STAG1: variants seen among roughly 807,000 people sequenced by gnomAD.
STAG1 encodes STAG1 cohesin complex component.
In STAG1, 26 loss-of-function variants were observed where a neutral mutation model predicts 170.9. That is an observed-to-expected ratio of 0.15 (90% confidence interval 0.11 to 0.21). STAG1 has a LOEUF of 0.21. Among genes scored for constraint, STAG1 ranks in the 10% least tolerant of loss-of-function variants. STAG1 has a pLI of 1.00. For synonymous variants in STAG1, 514 were observed against 497.7 expected (o/e 1.03, Z -0.44); for missense variants, 964 against 1,509.5 (o/e 0.64, Z 5.99).
intron 9 of STAG1, among the ~76,000 whole-genome samples, chr3:136,480,905 C>G (rs2089887886): frequency 7.0e-6 from 1 of 143,450 alleles, no homozygotes; most frequent in South Asian, 2.4e-4. Flanking sequence ...TATAAGAATG[C>G]TTGTGATTTT....
chr3:136,400,825 T>C (rs767968891), intron 21 of STAG1, among the ~76,000 whole-genome samples: 1 of 152,160 alleles, frequency 6.6e-6, no homozygotes, highest in Non-Finnish European at 1.5e-5. Flanking sequence ...TGAGCCACCG[T>C]GCCTGGCCTC....
chr3:136,444,230 T>C (rs889881927), intron 14 of STAG1, among the ~76,000 whole-genome samples: 1 of 152,160 alleles, frequency 6.6e-6, no homozygotes, highest in Non-Finnish European at 1.5e-5. Context: ...CACGCCACCA[T>C]GCCTGGCTAA....
intron 4 of STAG1, among the ~76,000 whole-genome samples, chr3:136,602,816 G>C (rs1938735716): frequency 1.3e-5 from 2 of 152,030 alleles, no homozygotes; most frequent in Non-Finnish European, 1.5e-5. Context: ...CTCCAACCTG[G>C]GCAATGGAGC....
intron 2 of STAG1, among the ~76,000 whole-genome samples, chr3:136,628,134 G>C (rs1349678432): frequency 6.6e-6 from 1 of 152,130 alleles, no homozygotes; most frequent in Non-Finnish European, 1.5e-5. Context: ...TGTTGTGATA[G>C]TGAGTTCTCA....
intron 15 of STAG1, among the ~76,000 whole-genome samples, chr3:136,438,515 G>A (rs910192218): frequency 4.6e-5 from 7 of 152,088 alleles, no homozygotes; most frequent in Admixed American, 6.6e-5. Context: ...ATGAGCTACC[G>A]TGCCTGGTTG....
At chr3:136,353,379 T>C (rs1936508923) in intron 28 of STAG1, among the ~76,000 whole-genome samples, 1 of 152,236 alleles carries the variant, frequency 6.6e-6, no homozygotes, top group South Asian at 2.1e-4. Context: ...TCAAACAGGA[T>C]AAATGCAAAG....
At chr3:136,664,793 A>G (rs1234336492) in intron 1 of STAG1, among the ~76,000 whole-genome samples, 1 of 152,246 alleles carries the variant, frequency 6.6e-6, no homozygotes, top group Non-Finnish European at 1.5e-5. Context: ...AACCTGCAAC[A>G]GAGAATCTCA....
In STAG1 at chr3:136,344,026, G is replaced by A; in HGVS notation, c.3272-20C>T. On this transcript the variant is annotated intron_variant, in intron 29 of 33. Coordinates refer to ENST00000383202, the MANE Select transcript of STAG1 (RefSeq NM_005862.3). Reference sequence around the variant, plus strand: ...TCTCATCTGTAAAATTCCAGTTAAGGTCACACAATGTCGTGGGTGGAGTGA... The same window carrying A: ...TCTCATCTGTAAAATTCCAGTTAAGATCACACAATGTCGTGGGTGGAGTGA... 6.5e-7 allele frequency: 1 copy of A among 1,544,366 alleles called. No homozygotes were observed. The highest frequency in any genetic ancestry group is 2.3e-5 in the East Asian group (1 of 42,618).
intron 6 of STAG1, among the ~76,000 whole-genome samples, chr3:136,525,245 G>A (rs768549175): frequency 1.6e-4 from 25 of 152,058 alleles, no homozygotes; most frequent in Admixed American, 5.2e-4. Flanking sequence ...TTGGTTGGTA[G>A]GCTATTAATT....
At chr3:136,347,910 G>T (rs1255558754) in intron 29 of STAG1, among the ~76,000 whole-genome samples, 48 of 152,170 alleles carry the variant, frequency 3.2e-4, no homozygotes, top group Non-Finnish European at 1.5e-4. Context: ...ATGCTCAAAG[G>T]TTGCATAGCT....
At chr3:136,665,709 G>A (rs1040502302) in intron 1 of STAG1, among the ~76,000 whole-genome samples, 1 of 151,232 alleles carries the variant, frequency 6.6e-6, no homozygotes, top group African/African-American at 2.4e-5. Context: ...GAACCCAGGA[G>A]GCAGAGCTTG....
intron 22 of STAG1, among the ~76,000 whole-genome samples, chr3:136,391,103 AATAAT>A (rs377194582): frequency 6.6e-6 from 1 of 152,308 alleles, no homozygotes; most frequent in African/African-American, 2.4e-5. Flanking sequence ...ATACCTCAAT[AATAAT>A]TGGACTTGTA....
chr3:136,517,229 T>C (rs1051340772), intron 7 of STAG1, among the ~76,000 whole-genome samples: 16 of 152,166 alleles, frequency 1.1e-4, no homozygotes, highest in Non-Finnish European at 2.4e-4. Flanking sequence ...TCTAATTTTT[T>C]CCCAAATTCA....
intron 1 of STAG1, among the ~76,000 whole-genome samples, chr3:136,745,353 T>C (rs920025967): frequency 6.6e-6 from 1 of 152,094 alleles, no homozygotes; most frequent in Non-Finnish European, 1.5e-5. Context: ...GAAGGCAAGA[T>C]TTATGACATC....
At chr3:136,675,485 T>C (rs1294727304) in intron 1 of STAG1, among the ~76,000 whole-genome samples, 1 of 152,244 alleles carries the variant, frequency 6.6e-6, no homozygotes, top group Admixed American at 6.5e-5. Context: ...TCTGGTTTTC[T>C]GTTATCTAAT....
intron 28 of STAG1, among the ~76,000 whole-genome samples, chr3:136,349,614 A>G (rs866000575): frequency 6.6e-6 from 1 of 152,096 alleles, no homozygotes; most frequent in Non-Finnish European, 1.5e-5. Context: ...GGTCTTTCCT[A>G]TATTTCTTCC....
intron 1 of STAG1, among the ~76,000 whole-genome samples, chr3:136,715,927 GT>G (rs1354172157): frequency 6.6e-6 from 1 of 151,566 alleles, no homozygotes; most frequent in East Asian, 2.0e-4. Context: ...GCAAAACGCT[GT>G]TTCTACTAAA....
At chr3:136,646,690 G>A (rs1472489552) in intron 1 of STAG1, among the ~76,000 whole-genome samples, 3 of 152,126 alleles carry the variant, frequency 2.0e-5, no homozygotes, top group Middle Eastern at 3.4e-3. Context: ...GGCAGATCAC[G>A]AGGTCAGGAG....
chr3:136,668,311 G>T (rs1164023951), intron 1 of STAG1, among the ~76,000 whole-genome samples: 1 of 139,494 alleles, frequency 7.2e-6, no homozygotes, highest in East Asian at 2.0e-4. Flanking sequence ...TATTATACAT[G>T]ACATATATAT....
Sources: allele counts gnomAD v4.1 joint callset (sites outside exome capture counted in the v4.1 genomes callset), GRCh38; gene constraint gnomAD v4.1.1; transcripts MANE v1.5; gene names NCBI Gene and HGNC (gene_info 2026-07-23, HGNC 2026-07-21).